Variants in DNAJA3 observed in about 807,000 individuals in gnomAD.
DNAJA3 encodes the protein dnaJ homolog subfamily A member 3, mitochondrial.
In DNAJA3, 29 loss-of-function variants were observed where a neutral mutation model predicts 54.9. The observed-to-expected ratio is 0.53, with a 90% CI of 0.39 to 0.72. The LOEUF (loss-of-function observed/expected upper bound fraction) is 0.72, where lower values mean the gene tolerates loss of function less well. Among genes scored for constraint, DNAJA3 ranks in the 30% least tolerant of loss-of-function variants. The pLI is 0.00. For synonymous variants in DNAJA3, 302 were observed against 251.4 expected, an observed-to-expected ratio of 1.20 and a Z score of -1.90; for missense variants, 708 against 639.4, an observed-to-expected ratio of 1.11 and a Z score of -1.16.
chr16:4,437,651 G>C, intron 3 of DNAJA3, 166 bp downstream of exon 3: 1 of 604,526 alleles, frequency 1.7e-6, no homozygotes, highest in Non-Finnish European at 2.9e-6. Context: ...GAGATTCCAG[G>C]CCAAGCATGG....
chr16:4,448,570 C>A (rs1337920982), intron 8 of DNAJA3, among the ~76,000 whole-genome samples, 163 bp from the exon 9 acceptor site: 1 of 152,140 alleles, frequency 6.6e-6, no homozygotes, highest in Non-Finnish European at 1.5e-5. Flanking sequence ...TCTTGAACTC[C>A]TGACCTCGTG....
In DNAJA3 at chr16:4,442,174, A is replaced by G. The variant is rs984750578; in HGVS notation, c.631-94A>G. The G allele has an allele frequency of 3.2e-5, 42 of 1,324,196 alleles. No individual in the cohort carries two copies. In the Admixed American group the frequency reaches 1.1e-3, roughly 34 times the overall value. 82.0% of individuals were successfully genotyped at this position (1,324,196 alleles called of 1,614,324 possible). A position where few individuals can be genotyped will look rare whatever the true frequency, so the allele number is the denominator to read the frequency against. Reference sequence around the variant, plus strand: ...GTACAGTGGTGAAAGAGTGACTGAAAATGTGGGCCAGTACCCTCCTTTCCC... The same window carrying G: ...GTACAGTGGTGAAAGAGTGACTGAAGATGTGGGCCAGTACCCTCCTTTCCC... On this transcript the variant is annotated intron_variant, in intron 4 of 11. Transcript: ENST00000262375.
At chr16:4,441,080 C>T in intron 3 of DNAJA3, 1 of 470,948 alleles carries the variant, frequency 2.1e-6, no homozygotes, top group South Asian at 3.4e-5. Context: ...GTGAAGAATC[C>T]AGGGTGCCTG....
intron 1 of DNAJA3, chr16:4,430,802 G>C (rs1156391474): frequency 6.6e-6 from 1 of 151,796 alleles, no homozygotes; most frequent in Non-Finnish European, 1.5e-5. Flanking sequence ...CCAGCACTTT[G>C]GTAGGATGAG....
chr16:4,449,107 C>T (rs576237392), intron 9 of DNAJA3, among the ~76,000 whole-genome samples: 22 of 152,302 alleles, frequency 1.4e-4, no homozygotes, highest in African/African-American at 5.3e-4. Context: ...AGCGATTCTC[C>T]TGCCTCAGCC....
At chr16:4,435,325 T>C (rs1423849890) in intron 2 of DNAJA3, among the ~76,000 whole-genome samples, 1 of 152,158 alleles carries the variant, frequency 6.6e-6, no homozygotes, top group Non-Finnish European at 1.5e-5. Flanking sequence ...TGGTTTGCTC[T>C]GACCAACAAA....
At chr16:4,436,519 C>A (rs2056774019) in intron 2 of DNAJA3, among the ~76,000 whole-genome samples, 1 of 152,142 alleles carries the variant, frequency 6.6e-6, no homozygotes, top group South Asian at 2.1e-4. Context: ...TTTATTCAGT[C>A]ATTTTCTTCC....
chr16:4,430,520 G>C (rs566001210), intron 1 of DNAJA3: 2 of 149,182 alleles, frequency 1.3e-5, no homozygotes, highest in African/African-American at 2.5e-5. Flanking sequence ...CCGAGATCGC[G>C]CCACTGCCCT....
chr16:4,450,631 G>A lies in DNAJA3; in HGVS notation c.1339+134G>A. 5 of 667,334 alleles carry A rather than the reference G, an allele frequency of 7.5e-6. No homozygotes were observed. The Admixed American group carries it at 9.4e-5, about 12-fold the overall frequency. 41.3% of individuals were successfully genotyped at this position (667,334 alleles called of 1,614,324 possible). A position where few individuals can be genotyped will look rare whatever the true frequency, so the allele number is the denominator to read the frequency against. On this transcript the variant is annotated intron_variant, in intron 10 of 11. Transcript: ENST00000262375. Reference sequence around the variant, plus strand: ...GCCTTTAAAATGTGCAGTTGAAAGAGGGGGGCTGTGGGCGGGGACAGCGGG... The same window carrying A: ...GCCTTTAAAATGTGCAGTTGAAAGAAGGGGGCTGTGGGCGGGGACAGCGGG...
intron 5 of DNAJA3, 80 bp downstream of exon 5, chr16:4,442,500 G>A: frequency 1.4e-6 from 2 of 1,430,950 alleles, no homozygotes; most frequent in Middle Eastern, 4.4e-4. Flanking sequence ...TGCTCCCAGA[G>A]AACGTATGCT....
intron 5 of DNAJA3, 182 bp from the exon 6 acceptor site, chr16:4,442,835 T>C (rs2056853295): frequency 1.6e-6 from 1 of 644,618 alleles, no homozygotes; most frequent in Admixed American, 3.0e-5. Context: ...AGTTTGTGTG[T>C]TCTAGAAAAT....
intron 1 of DNAJA3, among the ~76,000 whole-genome samples, chr16:4,429,973 G>T (rs1028340641): frequency 5.3e-5 from 8 of 151,812 alleles, no homozygotes; most frequent in South Asian, 2.1e-4. Context: ...CTCCAGCCTG[G>T]GCAACAGAGT....
At chr16:4,432,157 G>A (rs1442967661) in intron 1 of DNAJA3, among the ~76,000 whole-genome samples, 1 of 148,196 alleles carries the variant, frequency 6.7e-6, no homozygotes, top group Non-Finnish European at 1.5e-5. Context: ...CAAACATCTA[G>A]TATGTCATAT....
At chr16:4,442,518 G>A in intron 5 of DNAJA3, 98 bp downstream of exon 5, 1 of 1,369,302 alleles carries the variant, frequency 7.3e-7, no homozygotes. Context: ...GCTGGGAATT[G>A]GGGGAGTTGG....
At chr16:4,451,938 T>C (rs1282970932) in intron 10 of DNAJA3, among the ~76,000 whole-genome samples, 2 of 147,408 alleles carry the variant, frequency 1.4e-5, no homozygotes, top group African/African-American at 5.0e-5. Context: ...GGCATGGTGG[T>C]GGGCATCCAT....
intron 4 of DNAJA3, among the ~76,000 whole-genome samples, chr16:4,441,886 A>G (rs1017811337): frequency 6.6e-6 from 1 of 152,164 alleles, no homozygotes; most frequent in Non-Finnish European, 1.5e-5. Context: ...GTGGGAAGGC[A>G]CTGCTGATCC....
At chr16:4,428,830 G>C (rs1050836849) in intron 1 of DNAJA3, among the ~76,000 whole-genome samples, 5 of 151,884 alleles carry the variant, frequency 3.3e-5, no homozygotes, top group Non-Finnish European at 4.4e-5. Context: ...CATGAGCCTA[G>C]CAGTTTGGGA....
At position 4,447,029 on chromosome 16, in the gene DNAJA3, G is replaced by C; in HGVS notation, c.1125+15G>C. On this transcript the variant is annotated intron_variant, in intron 8 of 11. Transcript: ENST00000262375. ...TCAACGTGACGGTAAGAGGGTGTGA[G>C]AACACCTTTGTCACCCCTGTACTTT... 2 of 1,611,374 alleles carry C rather than the reference G, an allele frequency of 1.2e-6. No individual in the cohort carries two copies. Among genetic ancestry groups the C allele is most frequent in the Non-Finnish European group, 1.7e-6 (2 of 1,179,034 alleles).
At chr16:4,454,043 C>T (rs540047212) in intron 10 of DNAJA3, among the ~76,000 whole-genome samples, 1 of 152,170 alleles carries the variant, frequency 6.6e-6, no homozygotes, top group Non-Finnish European at 1.5e-5. Context: ...TCAGCCTGGG[C>T]CCTAAAGAAA....
Sources: gnomAD v4.1 joint callset for allele counts (sites outside exome capture counted in the v4.1 genomes callset) on GRCh38, gnomAD v4.1.1 for gene constraint, MANE v1.5 for transcripts, NCBI Gene and HGNC (gene_info 2026-07-23, HGNC 2026-07-21) for gene names.